Variants in CNTN1 observed in about 807,000 individuals in gnomAD.
The protein encoded by CNTN1 is contactin-1.
A neutral mutation model predicts 126.4 loss-of-function variants in CNTN1; 38 were observed. The ratio of observed to expected loss-of-function variants is 0.30; its 90% CI spans 0.23 to 0.39. The LOEUF (loss-of-function observed/expected upper bound fraction) is 0.39. Among genes scored for constraint, CNTN1 ranks in the 10% least tolerant of loss-of-function variants. The probability of loss-of-function intolerance (pLI) is 1.00; values close to 1 mark genes in which losing one functional copy is unlikely to be tolerated. For synonymous variants in CNTN1, 413 were observed against 422.6 expected (o/e 0.98, Z 0.28); for missense variants, 1,009 against 1,248.4 (o/e 0.81, Z 2.89).
intron 1 of CNTN1, among the ~76,000 whole-genome samples, chr12:40,890,477 T>A (rs1360388252): frequency 6.6e-6 from 1 of 152,178 alleles, no homozygotes; most frequent in African/African-American, 2.4e-5. Context: ...TCTGTGCCAC[T>A]GCATTCCAGC....
chr12:40,766,980 G>A (rs1449579755), intron 1 of CNTN1, among the ~76,000 whole-genome samples: 5 of 152,088 alleles, frequency 3.3e-5, no homozygotes, highest in African/African-American at 9.7e-5. Context: ...CAAGTATAAT[G>A]TCCAGTATAA....
intron 1 of CNTN1, among the ~76,000 whole-genome samples, chr12:40,875,415 C>T (rs1393605955): frequency 6.6e-6 from 1 of 152,000 alleles, no homozygotes; most frequent in African/African-American, 2.4e-5. Context: ...CCTGCTCATC[C>T]CCTCCTTAAC....
chr12:40,954,819 C>T (rs78719293), intron 14 of CNTN1, among the ~76,000 whole-genome samples: 92 of 152,160 alleles, frequency 6.0e-4, no homozygotes, highest in African/African-American at 2.1e-3. Flanking sequence ...ATCTTCTCCC[C>T]GTGCAGTTAA....
chr12:40,801,015 G>GTT (rs1213318457), intron 1 of CNTN1, among the ~76,000 whole-genome samples: 5 of 143,746 alleles, frequency 3.5e-5, no homozygotes, highest in African/African-American at 1.0e-4. Context: ...CTAGAGTTTT[G>GTT]TTTTTTTTTT....
At chr12:40,994,970 TAG>T (rs1948177992) in intron 17 of CNTN1, among the ~76,000 whole-genome samples, 1 of 152,072 alleles carries the variant, frequency 6.6e-6, no homozygotes, top group Non-Finnish European at 1.5e-5. Flanking sequence ...CATATTAACT[TAG>T]ATAAACTATT....
At chr12:40,714,557 A>G (rs77437458) in intron 1 of CNTN1, among the ~76,000 whole-genome samples, 2,580 of 152,252 alleles carry the variant, frequency 0.017, 77 homozygotes, top group African/African-American at 0.059. Flanking sequence ...TGCTTTAAGA[A>G]GTGACATGTT....
At position 41,023,208 on chromosome 12, in the gene CNTN1, C is replaced by A. The variant is rs966950014; in HGVS notation, c.2524-1942C>A. ...ATAAAGATACACAGAAAGAAAGCAG[C>A]ACATTGAAAACATAAAATATAAAGC... On this transcript the variant is annotated intron_variant, in intron 20 of 23. Coordinates refer to ENST00000551295, the MANE Select transcript of CNTN1 (RefSeq NM_001843.4). 1.1e-4 allele frequency among the ~76,000 whole-genome samples: 17 copies of A among 152,136 alleles called. 1 individual carries two copies. The highest frequency in any genetic ancestry group is 8.5e-4 in the Admixed American group (13 of 15,270).
In CNTN1 at chr12:40,934,017, A is replaced by AT. The variant is rs1945991026; in HGVS notation, c.985+142dup. ...GTTACATCATGGAGAAAGATAAAAT[A>AT]TTTCTCATATGTCTAATGAAGTCAC... is the stretch of plus-strand genomic sequence containing the variant. On this transcript the variant is annotated intron_variant, in intron 9 of 23. Coordinates refer to ENST00000551295, the MANE Select transcript of CNTN1 (RefSeq NM_001843.4). The AT allele has an allele frequency of 4.2e-6, 3 of 713,382 alleles. No individual in the cohort carries two copies. In the African/African-American group the frequency reaches 5.4e-5, roughly 13 times the overall value. The allele number at this position is 713,382 out of a possible 1,614,324, so 44.2% of individuals were successfully genotyped here. A position where few individuals can be genotyped will look rare whatever the true frequency, so the allele number is the denominator to read the frequency against.
intron 1 of CNTN1, among the ~76,000 whole-genome samples, chr12:40,804,044 C>T (rs1229308568): frequency 6.6e-6 from 1 of 151,994 alleles, no homozygotes; most frequent in Non-Finnish European, 1.5e-5. Context: ...TAGTTCCAAA[C>T]TTTACTGCTA....
chr12:40,750,183 G>A (rs1160976862), intron 1 of CNTN1, among the ~76,000 whole-genome samples: 2 of 151,982 alleles, frequency 1.3e-5, no homozygotes, highest in African/African-American at 4.8e-5. Flanking sequence ...TGAGGATGTG[G>A]GATCTAGGAA....
chr12:40,749,185 C>A (rs1938297910), intron 1 of CNTN1, among the ~76,000 whole-genome samples: 1 of 152,042 alleles, frequency 6.6e-6, no homozygotes, highest in African/African-American at 2.4e-5. Flanking sequence ...CTATATAATA[C>A]TTGTATAGAG....
chr12:40,811,034 T>C (rs1279296566), intron 1 of CNTN1, among the ~76,000 whole-genome samples: 1 of 152,150 alleles, frequency 6.6e-6, no homozygotes, highest in Non-Finnish European at 1.5e-5. Context: ...AATTGATTAA[T>C]ATTTAATTGC....
intron 22 of CNTN1, among the ~76,000 whole-genome samples, chr12:41,028,727 A>T (rs1166879581): frequency 1.3e-4 from 20 of 152,292 alleles, no homozygotes. Flanking sequence ...CAATTTTCAG[A>T]CCATTTCAAT....
At chr12:40,760,547 G>A (rs991236031) in intron 1 of CNTN1, among the ~76,000 whole-genome samples, 5 of 151,768 alleles carry the variant, frequency 3.3e-5, no homozygotes, top group East Asian at 3.9e-4. Context: ...TTTTAAAATC[G>A]CTTGGAACTG....
chr12:41,014,007 C>T (rs1157824926), intron 17 of CNTN1, among the ~76,000 whole-genome samples: 1 of 152,166 alleles, frequency 6.6e-6, no homozygotes, highest in Non-Finnish European at 1.5e-5. Flanking sequence ...GGCACACTTC[C>T]TATGGCACCA....
chr12:40,809,849 C>T (rs112798813), intron 1 of CNTN1, among the ~76,000 whole-genome samples: 40 of 142,040 alleles, frequency 2.8e-4, no homozygotes, highest in African/African-American at 9.4e-4. Flanking sequence ...CACACACACA[C>T]AAAAGTCAAA....
intron 17 of CNTN1, among the ~76,000 whole-genome samples, chr12:41,007,259 A>G (rs1948522230): frequency 6.6e-6 from 1 of 151,254 alleles, no homozygotes; most frequent in Admixed American, 6.6e-5. Context: ...ACGGGGTTTC[A>G]CCGTTTTAGC....
At chr12:40,734,475 G>A (rs1227325628) in intron 1 of CNTN1, among the ~76,000 whole-genome samples, 1 of 152,046 alleles carries the variant, frequency 6.6e-6, no homozygotes. Context: ...GGCACAGCAG[G>A]GCATCGTGGA....
chr12:40,723,149 G>A (rs1942262900), intron 1 of CNTN1, among the ~76,000 whole-genome samples: 1 of 152,114 alleles, frequency 6.6e-6, no homozygotes, highest in South Asian at 2.1e-4. Context: ...AGAGGAGGTA[G>A]GCCGACTTCG....
Sources: allele counts gnomAD v4.1 joint callset (sites outside exome capture counted in the v4.1 genomes callset), GRCh38; gene constraint gnomAD v4.1.1; transcripts MANE v1.5; gene names NCBI Gene and HGNC (gene_info 2026-07-23, HGNC 2026-07-21).